The following MMS22L variants were observed in gnomAD, a reference collection of about 807,000 sequenced individuals.
MMS22L encodes the protein protein MMS22-like.
In MMS22L, 74 loss-of-function variants were observed where a neutral mutation model predicts 159.1. The observed-to-expected ratio is 0.47, with a 90% CI of 0.39 to 0.56. MMS22L has a LOEUF of 0.56. Among genes scored for constraint, MMS22L ranks in the 20% least tolerant of loss-of-function variants. The pLI is 0.00. For synonymous variants in MMS22L, 517 were observed against 506.9 expected (o/e 1.02, Z -0.27); for missense variants, 1,351 against 1,422.1 (o/e 0.95, Z 0.80).
intron 23 of MMS22L, among the ~76,000 whole-genome samples, chr6:97,151,105 G>A (rs1801274724): frequency 6.6e-6 from 1 of 152,102 alleles, no homozygotes; most frequent in Admixed American, 6.6e-5. Context: ...TGTTTAGCAA[G>A]GTCTGAAGGC....
Position 97,171,674 on chromosome 6 carries a change from C to T in MMS22L, c.2839+1389G>A, listed in dbSNP as rs898462926. 2.0e-5 allele frequency among the ~76,000 whole-genome samples: 3 copies of T among 152,280 alleles called. No homozygotes were observed. The South Asian group carries it at 6.2e-4, about 32-fold the overall frequency. On this transcript the variant is annotated intron_variant, in intron 19 of 24. Transcript: ENST00000683635. ...TCAACAGTTCTGTGCCTTTCACTAGCAGTCTTGCAACCTTGTAAGTGAACA... is the reference window on the plus strand; with the variant it reads ...TCAACAGTTCTGTGCCTTTCACTAGTAGTCTTGCAACCTTGTAAGTGAACA...
At position 97,232,364 on chromosome 6, in the gene MMS22L, T is replaced by C. The variant is rs559016161; in HGVS notation, c.1303-712A>G. ...TACAAAATGGTGACTTCTAATTCTATCACGTTTTCTTAATTAACTCATCAG... is the reference window on the plus strand; with the variant it reads ...TACAAAATGGTGACTTCTAATTCTACCACGTTTTCTTAATTAACTCATCAG... On this transcript the variant is annotated intron_variant, in intron 12 of 24. Coordinates refer to ENST00000683635, the MANE Select transcript of MMS22L (RefSeq NM_001350599.2). Among the ~76,000 whole-genome samples the C allele has an allele frequency of 5.9e-5, 9 of 152,302 alleles. No individual in the cohort carries two copies. The East Asian group carries it at 1.5e-3, about 26-fold the overall frequency.
chr6:97,149,046 G>C (rs1367156732), intron 24 of MMS22L, among the ~76,000 whole-genome samples: 1 of 152,126 alleles, frequency 6.6e-6, no homozygotes, highest in Non-Finnish European at 1.5e-5. Flanking sequence ...TGTTATACAA[G>C]TTTGTAGCCT....
intron 10 of MMS22L, among the ~76,000 whole-genome samples, chr6:97,252,469 A>AC: frequency 6.6e-6 from 1 of 151,874 alleles, no homozygotes; most frequent in East Asian, 1.9e-4. Flanking sequence ...ACATGGTGAA[A>AC]CCCCATCTCT....
At chr6:97,192,756 C>G (rs946286891) in intron 14 of MMS22L, among the ~76,000 whole-genome samples, 4 of 152,078 alleles carry the variant, frequency 2.6e-5, no homozygotes, top group African/African-American at 9.7e-5. Flanking sequence ...TAGGGTTGGC[C>G]AGAGAATTAA....
intron 16 of MMS22L, among the ~76,000 whole-genome samples, chr6:97,179,811 T>C (rs1236769918): frequency 6.6e-6 from 1 of 152,190 alleles, no homozygotes; most frequent in Non-Finnish European, 1.5e-5. Flanking sequence ...ACTGATGGCA[T>C]ATGTGTAGGT....
Position 97,146,254 on chromosome 6 carries a change from T to G in MMS22L, c.*552A>C, listed in dbSNP as rs1800923188. On this transcript the variant is annotated 3_prime_UTR_variant, in exon 25 of 25. Transcript: ENST00000683635. ...AGATTCAGTCTCATTCCTAACACAG[T>G]TAAGTGTGCTTTGTAAGGGTTTTCT... The G allele has an allele frequency of 3.3e-5, 5 of 152,196 alleles. No homozygotes were observed. Among genetic ancestry groups the G allele is most frequent in the Admixed American group, 2.0e-4 (3 of 15,274 alleles). 9.4% of individuals were successfully genotyped at this position (152,196 alleles called of 1,614,324 possible). A position where few individuals can be genotyped will look rare whatever the true frequency, so the allele number is the denominator to read the frequency against.
intron 20 of MMS22L, among the ~76,000 whole-genome samples, chr6:97,165,913 A>C (rs1386428636): frequency 6.6e-6 from 1 of 152,168 alleles, no homozygotes; most frequent in Admixed American, 6.6e-5. Flanking sequence ...TAAAGTAATA[A>C]CAAAGGGCGA....
In MMS22L at chr6:97,146,623, C is replaced by T; in HGVS notation, c.*183G>A. ...AAAAAGTTCCAAGGATCCTATTACA[C>T]AGTTGCTAATTAACCTTCAGTTCCT... On this transcript the variant is annotated 3_prime_UTR_variant, in exon 25 of 25. Transcript: ENST00000683635. 1 of 420,086 alleles carries T rather than the reference C, an allele frequency of 2.4e-6. No homozygotes were observed. Among genetic ancestry groups the T allele is most frequent in the South Asian group, 4.5e-5 (1 of 22,404 alleles). 26.0% of individuals were successfully genotyped at this position (420,086 alleles called of 1,614,324 possible).
intron 12 of MMS22L, among the ~76,000 whole-genome samples, chr6:97,233,081 G>C (rs201205548): frequency 2.0e-5 from 3 of 149,796 alleles, no homozygotes; most frequent in African/African-American, 7.4e-5. Flanking sequence ...AAAAAAAAAA[G>C]CTTTCTCAAA....
At position 97,219,113 on chromosome 6, in the gene MMS22L, T is replaced by C. The variant is rs148660687; in HGVS notation, c.2039+9781A>G. Among the ~76,000 whole-genome samples, 68 of 152,206 alleles carry C rather than the reference T, an allele frequency of 4.5e-4. No individual in the cohort carries two copies. The East Asian group carries it at 0.013, about 29-fold the overall frequency. On this transcript the variant is annotated intron_variant, in intron 14 of 24. Coordinates refer to ENST00000683635, the MANE Select transcript of MMS22L (RefSeq NM_001350599.2). ...ATTGACACATGGAGGATTATAGGTC[T>C]CTCCCTCGACACGTGGGGATTACAA...
rs1223633031 is a variant in MMS22L at position 97,273,067 on chromosome 6, A to AAT, written c.341-6_341-5insAT. On this transcript the variant is annotated splice_polypyrimidine_tract_variant and splice_region_variant and intron_variant, in intron 4 of 24. Transcript: ENST00000683635. ...AGTGTAGAGTTGATACCTTCCCTGA[A>AAT]ACCAAAATAGACAATGTTAATCATA... 1.4e-5 allele frequency: 23 copies of AAT among 1,598,870 alleles called. No homozygotes were observed. Among genetic ancestry groups the AAT allele is most frequent in the Non-Finnish European group, 2.0e-5 (23 of 1,174,950 alleles).
chr6:97,273,755 T>A (rs1289134574), intron 4 of MMS22L, among the ~76,000 whole-genome samples: 1 of 152,188 alleles, frequency 6.6e-6, no homozygotes, highest in African/African-American at 2.4e-5. Context: ...AGAGTCCTAT[T>A]AAGTTAATAA....
At chr6:97,177,876 T>G (rs1804281005) in intron 18 of MMS22L, among the ~76,000 whole-genome samples, 1 of 152,096 alleles carries the variant, frequency 6.6e-6, no homozygotes, top group Non-Finnish European at 1.5e-5. Context: ...CCAAACACAT[T>G]AACAACTAGG....
intron 14 of MMS22L, among the ~76,000 whole-genome samples, chr6:97,222,570 C>T (rs1225273585): frequency 6.6e-6 from 1 of 152,066 alleles, no homozygotes; most frequent in African/African-American, 2.4e-5. Flanking sequence ...AAGTCCACAA[C>T]CTCCCTTAAG....
At chr6:97,266,518 T>C (rs551679638) in intron 8 of MMS22L, 13 of 152,196 alleles carry the variant, frequency 8.5e-5, no homozygotes, top group Non-Finnish European at 1.6e-4. Flanking sequence ...GAGAAGCACG[T>C]CTTTAGGCTA....
At chr6:97,206,752 G>C (rs934700772) in intron 14 of MMS22L, among the ~76,000 whole-genome samples, 4 of 152,044 alleles carry the variant, frequency 2.6e-5, no homozygotes, top group Non-Finnish European at 5.9e-5. Flanking sequence ...ATGGCTAAAA[G>C]AGACACTAAA....
At chr6:97,237,460 AGATAAGTG>A (rs1482028578) in intron 11 of MMS22L, among the ~76,000 whole-genome samples, 1 of 152,174 alleles carries the variant, frequency 6.6e-6, no homozygotes, top group Non-Finnish European at 1.5e-5. Flanking sequence ...CTCCCTTACT[AGATAAGTG>A]GCCTTTCTTT....
chr6:97,171,321 A>G (rs182550816), intron 19 of MMS22L, among the ~76,000 whole-genome samples: 3 of 152,306 alleles, frequency 2.0e-5, no homozygotes, highest in East Asian at 3.9e-4. Context: ...TCATATCACA[A>G]GAAAAGGATA....
Sources: allele counts gnomAD v4.1 joint callset (sites outside exome capture counted in the v4.1 genomes callset), GRCh38; gene constraint gnomAD v4.1.1; transcripts MANE v1.5; gene names NCBI Gene and HGNC (gene_info 2026-07-23, HGNC 2026-07-21).